The following MCTP1 variants were observed in gnomAD, a reference collection of about 807,000 sequenced individuals.
The protein encoded by MCTP1 is multiple C2 and transmembrane domain-containing protein 1.
In MCTP1, 69 loss-of-function variants were observed where a neutral mutation model predicts 120.6. The ratio of observed to expected loss-of-function variants is 0.57; its 90% CI spans 0.47 to 0.70. The LOEUF (loss-of-function observed/expected upper bound fraction) is 0.70, where lower values mean the gene tolerates loss of function less well. Ranked by LOEUF, MCTP1 falls within the 30% of genes least tolerant of loss-of-function variation. MCTP1 has a pLI of 0.00. For missense variants in MCTP1, 1,203 were observed against 1,248.8 expected (o/e 0.96, Z 0.55); for synonymous variants, 529 against 493.1 (o/e 1.07, Z -0.96).
intron 17 of MCTP1, among the ~76,000 whole-genome samples, chr5:94,845,834 G>T (rs781404458): frequency 6.6e-6 from 1 of 152,142 alleles, no homozygotes; most frequent in Non-Finnish European, 1.5e-5. Context: ...TTTCAGGGGT[G>T]AGCACCACAC....
intron 17 of MCTP1, among the ~76,000 whole-genome samples, chr5:94,845,698 G>A (rs775370706): frequency 2.6e-5 from 4 of 151,930 alleles, no homozygotes; most frequent in African/African-American, 4.8e-5. Context: ...GTACAGGTAC[G>A]CACCACCATG....
intron 19 of MCTP1, among the ~76,000 whole-genome samples, chr5:94,753,480 T>A (rs1287620022): frequency 6.6e-6 from 1 of 152,204 alleles, no homozygotes; most frequent in Admixed American, 6.5e-5. Flanking sequence ...GTAAAGGTTG[T>A]TTTAGAAGTG....
chr5:95,254,667 A>G (rs1332958910), intron 1 of MCTP1, among the ~76,000 whole-genome samples: 1 of 152,194 alleles, frequency 6.6e-6, no homozygotes, highest in Non-Finnish European at 1.5e-5. Flanking sequence ...AAAGGTTAAG[A>G]CAATAAAATA....
At chr5:94,973,175 C>T (rs1827286220) in intron 2 of MCTP1, among the ~76,000 whole-genome samples, 1 of 152,186 alleles carries the variant, frequency 6.6e-6, no homozygotes, top group Non-Finnish European at 1.5e-5. Flanking sequence ...GACCTGGTTA[C>T]CTAACTTGTA....
chr5:95,253,285 T>C (rs1393812074), intron 1 of MCTP1, among the ~76,000 whole-genome samples: 2 of 152,106 alleles, frequency 1.3e-5, no homozygotes, highest in Non-Finnish European at 2.9e-5. Flanking sequence ...CTTTTATTCA[T>C]AACCGTACAA....
chr5:94,817,039 A>G (rs1784599380), intron 17 of MCTP1, among the ~76,000 whole-genome samples: 1 of 152,184 alleles, frequency 6.6e-6, no homozygotes, highest in African/African-American at 2.4e-5. Context: ...TGTAACAGAG[A>G]AGCCCTATGT....
At chr5:95,179,887 G>A (rs1242415247) in intron 1 of MCTP1, among the ~76,000 whole-genome samples, 2 of 152,172 alleles carry the variant, frequency 1.3e-5, no homozygotes, top group Non-Finnish European at 2.9e-5. Flanking sequence ...AGTTTCTACT[G>A]TCTTCAGGAG....
At chr5:94,797,087 TGATATGC>T (rs1780258300) in intron 18 of MCTP1, among the ~76,000 whole-genome samples, 2 of 152,208 alleles carry the variant, frequency 1.3e-5, no homozygotes, top group East Asian at 3.8e-4. Context: ...AAAAATTATA[TGATATGC>T]AATTTTTCAA....
At chr5:95,249,555 G>T (rs537504902) in intron 1 of MCTP1, among the ~76,000 whole-genome samples, 4 of 152,224 alleles carry the variant, frequency 2.6e-5, no homozygotes, top group African/African-American at 9.6e-5. Flanking sequence ...TTTCACTGTC[G>T]GTGGGAGTGT....
chr5:94,863,652 C>T (rs757765851), intron 17 of MCTP1, among the ~76,000 whole-genome samples: 15 of 151,814 alleles, frequency 9.9e-5, no homozygotes, highest in Admixed American at 3.3e-4. Context: ...GATGTCCTTA[C>T]GGTTTGTAAT....
intron 2 of MCTP1, chr5:94,979,130 A>G (rs1349010535): frequency 6.6e-6 from 1 of 152,138 alleles, no homozygotes; most frequent in Non-Finnish European, 1.5e-5. Context: ...ACAACAAACA[A>G]GAGGATTCTT....
At chr5:95,264,668 C>T (rs1345545062) in intron 1 of MCTP1, among the ~76,000 whole-genome samples, 1 of 152,194 alleles carries the variant, frequency 6.6e-6, no homozygotes, top group Non-Finnish European at 1.5e-5. Flanking sequence ...TTCCAAAAGA[C>T]ACACATGACC....
intron 6 of MCTP1, among the ~76,000 whole-genome samples, chr5:94,928,115 A>G (rs1813627198): frequency 6.6e-6 from 1 of 151,956 alleles, no homozygotes; most frequent in Admixed American, 6.6e-5. Context: ...CATCACGATA[A>G]TATTTGTTAT....
rs1373409946 is a variant in MCTP1 at position 95,176,850 on chromosome 5, AT to A, written c.720+107005del. Among the ~76,000 whole-genome samples, 4 of 152,022 alleles carry A rather than the reference AT, an allele frequency of 2.6e-5. No homozygotes were observed. In the East Asian group the frequency reaches 5.8e-4, roughly 22 times the overall value. ...TGAGACACTGTCTCAAATATAAAAA[AT>A]AAAAATATATATATACCTACATTTT... On this transcript the variant is annotated intron_variant, in intron 1 of 22. Coordinates refer to ENST00000515393, the MANE Select transcript of MCTP1 (RefSeq NM_024717.7).
intron 19 of MCTP1, among the ~76,000 whole-genome samples, chr5:94,771,097 A>C (rs1281493808): frequency 6.6e-6 from 1 of 152,242 alleles, no homozygotes; most frequent in African/African-American, 2.4e-5. Flanking sequence ...AATTGAATGA[A>C]ACATTATTTT....
chr5:94,770,600 A>G (rs1191000355), intron 19 of MCTP1, among the ~76,000 whole-genome samples: 2 of 152,216 alleles, frequency 1.3e-5, no homozygotes, highest in East Asian at 3.9e-4. Context: ...TGTTGGAGAC[A>G]GATATCTACC....
At chr5:94,812,312 C>G (rs1212006980) in intron 17 of MCTP1, among the ~76,000 whole-genome samples, 1 of 152,004 alleles carries the variant, frequency 6.6e-6, no homozygotes, top group African/African-American at 2.4e-5. Context: ...AAATTATTCA[C>G]AAGCTTCAGG....
chr5:94,953,836 T>TATATATACAACTATATATATGC (rs1821306655), intron 2 of MCTP1, among the ~76,000 whole-genome samples: 1 of 46,126 alleles, frequency 2.2e-5, no homozygotes, highest in Admixed American at 2.6e-4. Context: ...TATACATATA[T>TATATATACAACTATATATATGC]ATATATACAC....
intron 1 of MCTP1, among the ~76,000 whole-genome samples, chr5:95,050,869 C>G (rs1392637598): frequency 1.3e-5 from 2 of 152,134 alleles, no homozygotes; most frequent in Admixed American, 1.3e-4. Context: ...CCTAATTCAA[C>G]ATGACTAGTA....
Sources: allele counts gnomAD v4.1 joint callset (sites outside exome capture counted in the v4.1 genomes callset), GRCh38; gene constraint gnomAD v4.1.1; transcripts MANE v1.5; gene names NCBI Gene and HGNC (gene_info 2026-07-23, HGNC 2026-07-21).